The following COLEC12 variants were observed in gnomAD, a reference collection of about 807,000 sequenced individuals.
COLEC12 encodes collectin-12.
In COLEC12, 33 loss-of-function variants were observed where a neutral mutation model predicts 71.1. That is an observed-to-expected ratio of 0.46 (90% CI 0.35 to 0.62). COLEC12 has a LOEUF of 0.62. Among genes scored for constraint, COLEC12 ranks in the 20% least tolerant of loss-of-function variants. The pLI, the probability that COLEC12 is intolerant of heterozygous loss-of-function variation, is 0.00. For missense variants in COLEC12, 765 were observed against 916.1 expected (o/e 0.84, Z 2.13); for synonymous variants, 350 against 353.0 (o/e 0.99, Z 0.10).
chr18:491,448 C>G (rs972181745), intron 1 of COLEC12, among the ~76,000 whole-genome samples: 2 of 152,192 alleles, frequency 1.3e-5, no homozygotes, highest in Admixed American at 6.6e-5. Flanking sequence ...TAAGCTGGAA[C>G]CAATGATTCC....
chr18:373,370 C>T (rs140722165), intron 2 of COLEC12, among the ~76,000 whole-genome samples: 28 of 152,256 alleles, frequency 1.8e-4, no homozygotes, highest in African/African-American at 6.0e-4. Flanking sequence ...AGACCTCTCC[C>T]GTCAGAAGTA....
intron 2 of COLEC12, among the ~76,000 whole-genome samples, chr18:398,852 T>TGACC (rs1206212379): frequency 9.9e-5 from 15 of 152,246 alleles, no homozygotes; most frequent in African/African-American, 3.6e-4. Flanking sequence ...CTGACAGCTT[T>TGACC]GACCTCACGT....
intron 2 of COLEC12, among the ~76,000 whole-genome samples, chr18:385,923 G>T (rs1915335500): frequency 6.6e-6 from 1 of 152,154 alleles, no homozygotes; most frequent in South Asian, 2.1e-4. Context: ...GGGGAGATGT[G>T]ATTTAATCTA....
intron 2 of COLEC12, among the ~76,000 whole-genome samples, chr18:389,981 G>A (rs1915428055): frequency 1.3e-5 from 2 of 152,148 alleles, no homozygotes; most frequent in Admixed American, 1.3e-4. Context: ...AGTGACTTTT[G>A]TTCTAATTTT....
intron 2 of COLEC12, among the ~76,000 whole-genome samples, chr18:376,945 C>G (rs373635384): frequency 5.3e-5 from 8 of 152,192 alleles, no homozygotes; most frequent in African/African-American, 1.9e-4. Context: ...ATGTAAAGTA[C>G]GAGCTCTTGC....
chr18:370,139 G>A (rs1282228291), intron 2 of COLEC12, among the ~76,000 whole-genome samples: 1 of 152,174 alleles, frequency 6.6e-6, no homozygotes, highest in Non-Finnish European at 1.5e-5. Flanking sequence ...TCTACCAGCT[G>A]AGCCATTCAC....
chr18:409,998 G>T (rs1484868934), intron 2 of COLEC12, among the ~76,000 whole-genome samples: 1 of 152,170 alleles, frequency 6.6e-6, no homozygotes, highest in Non-Finnish European at 1.5e-5. Context: ...GTGTGATCTG[G>T]AACAAGTTAC....
chr18:426,761 C>T (rs914675386), intron 2 of COLEC12, among the ~76,000 whole-genome samples: 3 of 152,128 alleles, frequency 2.0e-5, no homozygotes, highest in African/African-American at 7.2e-5. Flanking sequence ...AAGGGCTTTA[C>T]GTGCATTTAT....
At chr18:349,035 G>T (rs1914447378) in intron 3 of COLEC12, among the ~76,000 whole-genome samples, 1 of 152,148 alleles carries the variant, frequency 6.6e-6, no homozygotes, top group African/African-American at 2.4e-5. Context: ...GTCTTATCAG[G>T]GGTTTCCACT....
In COLEC12 at chr18:500,439, CGT is replaced by C; in HGVS notation, c.7+67_7+68del. 2 of 883,894 alleles carry C rather than the reference CGT, an allele frequency of 2.3e-6. No individual in the cohort carries two copies. Among genetic ancestry groups the C allele is most frequent in the Non-Finnish European group, 2.7e-6 (2 of 732,946 alleles). The allele number at this position is 883,894 out of a possible 1,614,324, so 54.8% of individuals were successfully genotyped here. The stretch of plus-strand genomic sequence containing the variant: ...GGAAGGTTCGCGCGGGAGGCACCTC[CGT>C]GGCCTCCCGCGCGCCCCGAAGCCCG... On this transcript the variant is annotated intron_variant, in intron 1 of 9. Transcript: ENST00000400256. This position sits in a 1 kb window ranked among gnomAD's most constrained non-coding sequence, Gnocchi z 5.3.
intron 1 of COLEC12, among the ~76,000 whole-genome samples, chr18:498,358 T>TTTTCTTTTC (rs57747717): frequency 2.1e-5 from 3 of 146,280 alleles, no homozygotes; most frequent in Admixed American, 6.9e-5. Context: ...TGGAATATTT[T>TTTTCTTTTC]TTTTCTTTTT....
intron 2 of COLEC12, among the ~76,000 whole-genome samples, chr18:406,373 G>A (rs1598353530): frequency 6.6e-6 from 1 of 151,656 alleles, no homozygotes; most frequent in Non-Finnish European, 1.5e-5. Context: ...GCCAGGCGCG[G>A]TGGCGGGCGC....
At position 399,359 on chromosome 18, in the gene COLEC12, G is replaced by C. The variant is rs1442212717; in HGVS notation, c.59-41837C>G. Among the ~76,000 whole-genome samples the C allele has an allele frequency of 1.3e-5, 2 of 152,192 alleles. No homozygotes were observed. The highest frequency in any genetic ancestry group is 2.9e-5 in the Non-Finnish European group (2 of 68,030). On this transcript the variant is annotated intron_variant, in intron 2 of 9. Coordinates refer to ENST00000400256, the MANE Select transcript of COLEC12 (RefSeq NM_130386.3). This position sits in a 1 kb window ranked among gnomAD's most constrained non-coding sequence, Gnocchi z 4.0. ...AGCAGGCCAGACGAGAGGCTTTTTG[G>C]AAGGGTTCTCATCACTGTGTAGCGC...
chr18:335,318 T>TA (rs1914094380), intron 5 of COLEC12, 88 bp from the exon 6 acceptor site: 4 of 1,376,322 alleles, frequency 2.9e-6, no homozygotes, highest in African/African-American at 3.0e-5. Flanking sequence ...ATCTCCAAAT[T>TA]AAAAAAACCT....
At chr18:351,284 T>C (rs473303) in intron 3 of COLEC12, among the ~76,000 whole-genome samples, 1 of 151,990 alleles carries the variant, frequency 6.6e-6, no homozygotes, top group Non-Finnish European at 1.5e-5. Flanking sequence ...CTACCTAGAA[T>C]GTTCTTCCCT....
intron 1 of COLEC12, among the ~76,000 whole-genome samples, chr18:485,276 C>A (rs1209588021): frequency 6.6e-6 from 1 of 152,166 alleles, no homozygotes; most frequent in Non-Finnish European, 1.5e-5. Context: ...TAATACTTCC[C>A]AATGTCTATC....
At chr18:420,223 A>G (rs1916069860) in intron 2 of COLEC12, among the ~76,000 whole-genome samples, 1 of 152,226 alleles carries the variant, frequency 6.6e-6, no homozygotes, top group African/African-American at 2.4e-5. Context: ...GTTTCATGCA[A>G]TAGATAACTG....
At chr18:337,308 G>A (rs902667203) in intron 5 of COLEC12, among the ~76,000 whole-genome samples, 1 of 152,102 alleles carries the variant, frequency 6.6e-6, no homozygotes, top group Non-Finnish European at 1.5e-5. Context: ...TTGGTCTGAG[G>A]ACAGGACCTT....
At chr18:361,681 A>T (rs1914747334) in intron 2 of COLEC12, among the ~76,000 whole-genome samples, 1 of 152,156 alleles carries the variant, frequency 6.6e-6, no homozygotes, top group Admixed American at 6.5e-5. Flanking sequence ...AAATTTAGAG[A>T]AAGGAACATA....
Sources: gnomAD v4.1 joint callset for allele counts (sites outside exome capture counted in the v4.1 genomes callset) on GRCh38, gnomAD v4.1.1 for gene constraint, Gnocchi (gnomAD v3.1) non-coding constraint, MANE v1.5 for transcripts, NCBI Gene and HGNC (gene_info 2026-07-23, HGNC 2026-07-21) for gene names.